The following NELL1 variants were observed in gnomAD, a reference collection of about 807,000 sequenced individuals.
The protein encoded by NELL1 is protein kinase C-binding protein NELL1.
NELL1 carries 76 observed loss-of-function variants against 107.4 expected under a neutral mutation model. The ratio of observed to expected loss-of-function variants is 0.71; its 90% CI spans 0.59 to 0.86. The LOEUF is 0.86. Among genes scored for constraint, NELL1 ranks in the 40% least tolerant of loss-of-function variants. The pLI, the probability that NELL1 is intolerant of heterozygous loss-of-function variation, is 0.00. For synonymous variants in NELL1, 353 were observed against 341.2 expected (o/e 1.03, Z -0.38); for missense variants, 1,024 against 1,005.5 (o/e 1.02, Z -0.25).
chr11:21,229,253 A>G, intron 13 of NELL1, 79 bp from the exon 14 acceptor site: 1 of 1,538,058 alleles, frequency 6.5e-7, no homozygotes, highest in Non-Finnish European at 8.9e-7. Context: ...TTATTTGGTG[A>G]ATTCCAGCTA....
chr11:20,922,843 T>C (rs1487530131), intron 7 of NELL1, among the ~76,000 whole-genome samples: 1 of 152,174 alleles, frequency 6.6e-6, no homozygotes, highest in Non-Finnish European at 1.5e-5. Context: ...TGTAAAATGG[T>C]GACAATTATT....
chr11:21,092,156 C>T (rs1324637837), intron 12 of NELL1, among the ~76,000 whole-genome samples: 1 of 152,084 alleles, frequency 6.6e-6, no homozygotes, highest in East Asian at 1.9e-4. Flanking sequence ...GTCAATAGGA[C>T]TCAGTAAGTA....
intron 12 of NELL1, among the ~76,000 whole-genome samples, chr11:21,047,396 T>A (rs556127702): frequency 1.3e-5 from 2 of 152,310 alleles, no homozygotes; most frequent in South Asian, 4.1e-4. Flanking sequence ...TGTCAAATTT[T>A]ACCACATTGA....
At chr11:20,780,257 G>C (rs12804039) in intron 2 of NELL1, among the ~76,000 whole-genome samples, 37,040 of 152,034 alleles carry the variant, frequency 0.24, 4,854 homozygotes, top group African/African-American at 0.32. Flanking sequence ...TTAAGTGGGG[G>C]TGTCCTGCAA....
chr11:21,362,122 G>A (rs956715593), intron 14 of NELL1, among the ~76,000 whole-genome samples: 4 of 152,112 alleles, frequency 2.6e-5, no homozygotes, highest in Non-Finnish European at 4.4e-5. Context: ...TTGAGTGGAC[G>A]AATTCAGTGG....
At chr11:21,161,280 A>G (rs536963703) in intron 13 of NELL1, among the ~76,000 whole-genome samples, 3 of 152,276 alleles carry the variant, frequency 2.0e-5, no homozygotes, top group East Asian at 1.9e-4. Flanking sequence ...GCTCATGTCC[A>G]TAATACCAGC....
chr11:21,351,016 A>G (rs1481284665), intron 14 of NELL1, among the ~76,000 whole-genome samples: 1 of 152,142 alleles, frequency 6.6e-6, no homozygotes, highest in Non-Finnish European at 1.5e-5. Flanking sequence ...AAATCCAATT[A>G]CTGGTATAAT....
chr11:20,835,791 G>C (rs1441032855), intron 3 of NELL1, among the ~76,000 whole-genome samples: 1 of 152,146 alleles, frequency 6.6e-6, no homozygotes. Context: ...AATAGATTAT[G>C]TACTTTACTG....
intron 13 of NELL1, among the ~76,000 whole-genome samples, chr11:21,137,068 T>C (rs1266531476): frequency 6.6e-6 from 1 of 152,204 alleles, no homozygotes; most frequent in Non-Finnish European, 1.5e-5. Flanking sequence ...AGGCATGTGG[T>C]AAAGAAAGCA....
At chr11:21,061,914 T>C (rs1853751368) in intron 12 of NELL1, among the ~76,000 whole-genome samples, 1 of 152,210 alleles carries the variant, frequency 6.6e-6, no homozygotes, top group South Asian at 2.1e-4. Context: ...AGCTGAACTC[T>C]CATTCTTCCT....
intron 3 of NELL1, among the ~76,000 whole-genome samples, chr11:20,835,041 C>T (rs1848507629): frequency 6.6e-6 from 1 of 152,190 alleles, no homozygotes; most frequent in Non-Finnish European, 1.5e-5. Flanking sequence ...GTTCATACCT[C>T]TTCTTTCTTT....
At chr11:21,116,838 T>C (rs1022483937) in intron 13 of NELL1, among the ~76,000 whole-genome samples, 6 of 152,018 alleles carry the variant, frequency 3.9e-5, no homozygotes, top group African/African-American at 1.4e-4. Flanking sequence ...TGTTCCATCA[T>C]AACCCATTCT....
intron 12 of NELL1, among the ~76,000 whole-genome samples, chr11:21,059,819 C>T (rs925254186): frequency 2.0e-5 from 3 of 152,046 alleles, no homozygotes; most frequent in African/African-American, 7.2e-5. Context: ...GAGGTTGGAG[C>T]TATGTCCTTA....
intron 13 of NELL1, among the ~76,000 whole-genome samples, chr11:21,154,910 C>A (rs1395184701): frequency 6.6e-6 from 1 of 152,154 alleles, no homozygotes; most frequent in Non-Finnish European, 1.5e-5. Flanking sequence ...ATGGCATAAA[C>A]AAGCTTGTAT....
At chr11:21,126,073 G>T (rs1855480448) in intron 13 of NELL1, among the ~76,000 whole-genome samples, 1 of 152,174 alleles carries the variant, frequency 6.6e-6, no homozygotes, top group Admixed American at 6.6e-5. Flanking sequence ...TCTATGTTAA[G>T]GTGTGGGAGG....
chr11:21,363,457 G>T (rs966904944), intron 14 of NELL1, among the ~76,000 whole-genome samples: 2 of 152,080 alleles, frequency 1.3e-5, no homozygotes, highest in African/African-American at 4.8e-5. Context: ...TTTTTCACCT[G>T]TTTCACAGAA....
chr11:20,865,319 A>G (rs537877941), intron 4 of NELL1, among the ~76,000 whole-genome samples: 1 of 152,342 alleles, frequency 6.6e-6, no homozygotes, highest in South Asian at 2.1e-4. Context: ...TATTTGTAAG[A>G]TGAAAAATCA....
chr11:21,078,308 A>G (rs946813267), intron 12 of NELL1, among the ~76,000 whole-genome samples: 2 of 152,108 alleles, frequency 1.3e-5, no homozygotes, highest in Non-Finnish European at 2.9e-5. Flanking sequence ...AGTTCAAAAA[A>G]CACATTGAAT....
At chr11:21,378,251 AT>A (rs1851523521) in intron 15 of NELL1, among the ~76,000 whole-genome samples, 1 of 96,596 alleles carries the variant, frequency 1.0e-5, no homozygotes, top group Non-Finnish European at 2.0e-5. Context: ...TTTTTAAAAA[AT>A]ATGCATATAT....
Sources: gnomAD v4.1 joint callset for allele counts (sites outside exome capture counted in the v4.1 genomes callset) on GRCh38, gnomAD v4.1.1 for gene constraint, MANE v1.5 for transcripts, NCBI Gene and HGNC (gene_info 2026-07-23, HGNC 2026-07-21) for gene names.